LRRC20: variants seen among roughly 807,000 people sequenced by gnomAD.
LRRC20 encodes leucine rich repeat containing 20.
A neutral mutation model predicts 14.4 loss-of-function variants in LRRC20; 11 were observed. The ratio of observed to expected loss-of-function variants is 0.77; its 90% confidence interval spans 0.48 to 1.27. The LOEUF (loss-of-function observed/expected upper bound fraction) is 1.27. Ranked by LOEUF, LRRC20 falls within the 50% of genes most tolerant of loss-of-function variation. The pLI is 0.00. For synonymous variants in LRRC20, 121 were observed against 107.3 expected (o/e 1.13, Z -0.79); for missense variants, 219 against 251.2 (o/e 0.87, Z 0.87).
At chr10:70,326,297 T>TAC (rs3998644) in intron 3 of LRRC20, among the ~76,000 whole-genome samples, 15,759 of 140,292 alleles carry the variant, frequency 0.11, 1,022 homozygotes, top group South Asian at 0.13. Flanking sequence ...CGCCTCTGTG[T>TAC]ACACACACAC....
At chr10:70,347,221 C>T (rs1191284926) in intron 2 of LRRC20, among the ~76,000 whole-genome samples, 4 of 152,092 alleles carry the variant, frequency 2.6e-5, no homozygotes, top group Admixed American at 6.6e-5. Context: ...GCCAGCTCTT[C>T]GTCAGTGAGG....
intron 3 of LRRC20, among the ~76,000 whole-genome samples, chr10:70,326,048 G>A (rs1427726885): frequency 2.0e-5 from 3 of 152,114 alleles, no homozygotes; most frequent in African/African-American, 7.2e-5. Flanking sequence ...AAGGCACCAT[G>A]ACATGCTGAG....
chr10:70,338,937 A>C (rs927234714), intron 3 of LRRC20, among the ~76,000 whole-genome samples: 13 of 152,226 alleles, frequency 8.5e-5, no homozygotes, highest in Non-Finnish European at 1.8e-4. Context: ...CTGGGATTAC[A>C]GGCGTGAGCC....
chr10:70,322,294 G>T (rs1191099817), intron 4 of LRRC20, among the ~76,000 whole-genome samples: 1 of 152,188 alleles, frequency 6.6e-6, no homozygotes, highest in Non-Finnish European at 1.5e-5. Flanking sequence ...CTGTCTACCC[G>T]CTGCACACCC....
intron 4 of LRRC20, among the ~76,000 whole-genome samples, chr10:70,314,312 C>T (rs1406474347): frequency 6.6e-6 from 1 of 152,184 alleles, no homozygotes; most frequent in African/African-American, 2.4e-5. Flanking sequence ...GCTTCAACCC[C>T]CTATGACTTT....
chr10:70,338,085 C>T (rs928198938), intron 3 of LRRC20, among the ~76,000 whole-genome samples: 8 of 152,226 alleles, frequency 5.3e-5, no homozygotes, highest in African/African-American at 1.7e-4. Flanking sequence ...CCTGGAAATC[C>T]TGCTCTAGGA....
At position 70,299,030 on chromosome 10, in the gene LRRC20, G is replaced by A. The variant is rs1841060908; in HGVS notation, c.*2324C>T. ...AAGCTTAGGGGCTCACTCACTGTGA[G>A]CTCTGATTTGGGGGCATCTGTGGCT... On this transcript the variant is annotated 3_prime_UTR_variant, in exon 5 of 5. Transcript: ENST00000446961. The A allele has an allele frequency of 6.6e-6, 1 of 152,626 alleles. No individual in the cohort carries two copies. The highest frequency in any genetic ancestry group is 6.5e-5 in the Admixed American group (1 of 15,274). The allele number at this position is 152,626 out of a possible 1,614,324, so 9.5% of individuals were successfully genotyped here.
chr10:70,363,367 C>T (rs1261957841), intron 2 of LRRC20, among the ~76,000 whole-genome samples: 3 of 152,002 alleles, frequency 2.0e-5, no homozygotes, highest in Non-Finnish European at 2.9e-5. Context: ...AAAGTCTCTC[C>T]CTGGCCCCCC....
In LRRC20 at chr10:70,324,019, C is replaced by T. The variant is rs779745420; in HGVS notation, c.244G>A (p.Glu82Lys). The stretch of plus-strand genomic sequence containing the variant: ...GGGAGGCGGTGTAGGAAGTTCCCCT[C>T]CAGGTGGAGCTCTGCCACGTGCAGG... Reference protein sequence around the residue: ...TFSQLRELHLEGNFLHRLPSE... With the variant: ...TFSQLRELHLKGNFLHRLPSE... The change falls in exon 4 of 5, where the codon GAG (glutamate) becomes AAG (lysine). Residue 82 changes from glutamate to lysine, a missense_variant. Glu to Lys is a moderately conservative substitution (Grantham distance 56, BLOSUM62 1). Transcript: ENST00000446961. 7 of 1,613,968 alleles carry T rather than the reference C, an allele frequency of 4.3e-6. No homozygotes were observed. In the East Asian group the frequency reaches 1.1e-4, roughly 26 times the overall value.
At chr10:70,377,403 T>G (rs1007309950) in intron 1 of LRRC20, among the ~76,000 whole-genome samples, 1 of 152,194 alleles carries the variant, frequency 6.6e-6, no homozygotes, top group African/African-American at 2.4e-5. Context: ...CTCAACTCCC[T>G]GTTTATTACA....
At chr10:70,373,997 T>C (rs4747021) in intron 2 of LRRC20, among the ~76,000 whole-genome samples, 147,618 of 152,296 alleles carry the variant, frequency 0.97, 71,691 homozygotes, top group Non-Finnish European at 1. Flanking sequence ...TGCCCACCTG[T>C]CCACTGGCCC....
chr10:70,377,049 G>C (rs1200627711), intron 1 of LRRC20, among the ~76,000 whole-genome samples: 2 of 152,196 alleles, frequency 1.3e-5, no homozygotes, highest in African/African-American at 2.4e-5. Context: ...AATTTCCCCA[G>C]CTCCCCTGTT....
chr10:70,368,133 A>G (rs1216555843), intron 2 of LRRC20, among the ~76,000 whole-genome samples: 1 of 145,222 alleles, frequency 6.9e-6, no homozygotes, highest in Non-Finnish European at 1.5e-5. Context: ...ACAGGCATGC[A>G]TCACCATGCC....
intron 2 of LRRC20, among the ~76,000 whole-genome samples, chr10:70,363,889 C>T (rs529804805): frequency 9.8e-5 from 15 of 152,298 alleles, no homozygotes; most frequent in African/African-American, 2.9e-4. Context: ...AAAGGTCTGT[C>T]TCCTTACAGA....
chr10:70,366,082 A>AC (rs1843983704), intron 2 of LRRC20, among the ~76,000 whole-genome samples: 2 of 133,708 alleles, frequency 1.5e-5, no homozygotes, highest in African/African-American at 5.5e-5. Context: ...AAAAAAAAAA[A>AC]AAAACAACAA....
At position 70,301,218 on chromosome 10, in the gene LRRC20, T is replaced by C. The variant is rs113287533; in HGVS notation, c.*136A>G. 0.025 allele frequency: 35,642 copies of C among 1,441,800 alleles called. 504 individuals carry two copies. The highest frequency in any genetic ancestry group is 0.04 in the South Asian group (2,743 of 68,474). The allele number at this position is 1,441,800 out of a possible 1,614,324, so 89.3% of individuals were successfully genotyped here. A position where few individuals can be genotyped will look rare whatever the true frequency, so the allele number is the denominator to read the frequency against. Reference sequence around the variant, plus strand: ...CTGTAAGCTATCTATCCAGACCAGCTGCACCCCACCCACCACGTGCTGCTC... The same window carrying C: ...CTGTAAGCTATCTATCCAGACCAGCCGCACCCCACCCACCACGTGCTGCTC... On this transcript the variant is annotated 3_prime_UTR_variant, in exon 5 of 5. Coordinates refer to ENST00000446961, the MANE Select transcript of LRRC20 (RefSeq NM_001278212.2).
In LRRC20 at chr10:70,307,114, T is replaced by C. The variant is rs1006680040; in HGVS notation, c.401-5606A>G. Among the ~76,000 whole-genome samples, 16 of 152,354 alleles carry C rather than the reference T, an allele frequency of 1.1e-4. No homozygotes were observed. The South Asian group carries it at 1.4e-3, about 14-fold the overall frequency. On this transcript the variant is annotated intron_variant, in intron 4 of 4. Coordinates refer to ENST00000446961, the MANE Select transcript of LRRC20 (RefSeq NM_001278212.2). ...AATCAGCCACTTCTCCAAGAAGTCC[T>C]GGTTCCTTTCAATGGGGAAGAGTAT...
At chr10:70,311,364 G>A (rs1841661136) in intron 4 of LRRC20, among the ~76,000 whole-genome samples, 1 of 151,634 alleles carries the variant, frequency 6.6e-6, no homozygotes. Flanking sequence ...TGGGATTACA[G>A]GTGCACACCA....
At chr10:70,335,815 T>G (rs1842711413) in intron 3 of LRRC20, among the ~76,000 whole-genome samples, 1 of 152,222 alleles carries the variant, frequency 6.6e-6, no homozygotes, top group Admixed American at 6.5e-5. Flanking sequence ...CCAAAGATGC[T>G]TTAGAAACTC....
Sources: allele counts gnomAD v4.1 joint callset (sites outside exome capture counted in the v4.1 genomes callset), GRCh38; gene constraint gnomAD v4.1.1; transcripts MANE v1.5; gene names NCBI Gene and HGNC (gene_info 2026-07-23, HGNC 2026-07-21).